ACTR3C: variants seen among roughly 807,000 people sequenced by gnomAD.
ACTR3C encodes the protein actin related protein 3C, also known as actin-related protein 3C.
A neutral mutation model predicts 26.3 loss-of-function variants in ACTR3C; 18 were observed. That is an observed-to-expected ratio of 0.68 (90% confidence interval 0.47 to 1.01). ACTR3C has a LOEUF of 1.01. Ranked by LOEUF, ACTR3C falls within the 50% of genes least tolerant of loss-of-function variation. The probability of loss-of-function intolerance (pLI) is 0.00; values close to 1 mark genes in which losing one functional copy is unlikely to be tolerated. For missense variants in ACTR3C, 184 were observed against 250.7 expected (o/e 0.73, Z 1.80); for synonymous variants, 55 against 94.5 (o/e 0.58, Z 2.42).
In ACTR3C at chr7:150,274,677, A is replaced by T. The variant is rs1454757115; in HGVS notation, c.564+10076T>A. Among the ~76,000 whole-genome samples the T allele has an allele frequency of 1.3e-5, 2 of 152,234 alleles. No individual in the cohort carries two copies. The highest frequency in any genetic ancestry group is 2.9e-5 in the Non-Finnish European group (2 of 68,034). The stretch of plus-strand genomic sequence containing the variant: ...CAGGGGCTGGGGAATGAGTGCAGTC[A>T]CGATGCTAGGAAGCGGCTCAGCCCA... On this transcript the variant is annotated intron_variant, in intron 6 of 7. Transcript: ENST00000683684. The surrounding 1 kb of genome is among the most constrained non-coding windows in gnomAD (Gnocchi z 4.1).
chr7:150,016,604 A>G, the ACTR3C span, among the ~76,000 whole-genome samples: 1 of 152,148 alleles, frequency 6.6e-6, no homozygotes, highest in African/African-American at 2.4e-5. Context: ...GACATGCAGG[A>G]AATGGGAAAA....
At chr7:150,295,714 C>G (rs1246203408) in intron 1 of ACTR3C, among the ~76,000 whole-genome samples, 2 of 150,100 alleles carry the variant, frequency 1.3e-5, no homozygotes, top group East Asian at 3.9e-4. Flanking sequence ...ACATCAAAGG[C>G]GAACCGGTGA....
chr7:150,031,732 G>C, the ACTR3C span, among the ~76,000 whole-genome samples: 451 of 152,168 alleles, frequency 3.0e-3, no homozygotes, highest in Middle Eastern at 6.8e-3. Context: ...TCTCGGGGGT[G>C]GGGGTACTAG....
At chr7:149,988,638 GAT>G in the ACTR3C span, among the ~76,000 whole-genome samples, 2 of 152,160 alleles carry the variant, frequency 1.3e-5, no homozygotes, top group Non-Finnish European at 2.9e-5. Flanking sequence ...CCAGAGGTGG[GAT>G]ACTTGCTCAC....
At chr7:150,314,264 C>A (rs1326953049) in intron 1 of ACTR3C, among the ~76,000 whole-genome samples, 1 of 152,196 alleles carries the variant, frequency 6.6e-6, no homozygotes, top group Non-Finnish European at 1.5e-5. Flanking sequence ...CAGCCTTGTT[C>A]CTGGATTTAA....
chr7:150,047,755 C>G, the ACTR3C span: 3 of 1,494,664 alleles, frequency 2.0e-6, no homozygotes, highest in South Asian at 1.2e-5. Context: ...CCGTCCTCCT[C>G]GGGCCCCTGG....
chr7:150,211,532 C>T, the ACTR3C span, among the ~76,000 whole-genome samples: 3 of 151,266 alleles, frequency 2.0e-5, no homozygotes, highest in South Asian at 4.2e-4. Context: ...CCACCTACCT[C>T]GGCCTCCCAA....
At chr7:150,235,494 G>A in the ACTR3C span, among the ~76,000 whole-genome samples, 5 of 152,086 alleles carry the variant, frequency 3.3e-5, no homozygotes, top group South Asian at 2.1e-4. Context: ...TGAAACAAAC[G>A]CAGACCACCC....
chr7:149,957,118 A>C, the ACTR3C span, among the ~76,000 whole-genome samples: 1 of 152,228 alleles, frequency 6.6e-6, no homozygotes, highest in African/African-American at 2.4e-5. Context: ...GCATGGAATC[A>C]TGGGCATGAA....
At chr7:150,036,009 C>CT in the ACTR3C span, among the ~76,000 whole-genome samples, 6 of 124,254 alleles carry the variant, frequency 4.8e-5, no homozygotes, top group South Asian at 4.6e-4. Flanking sequence ...TGCCTCCGCC[C>CT]CCAGCGATGG....
the ACTR3C span, among the ~76,000 whole-genome samples, chr7:150,035,023 G>C: frequency 6.9e-6 from 1 of 144,064 alleles, no homozygotes. Flanking sequence ...AGCCAGGGGG[G>C]GAAGAGGGAC....
downstream of ACTR3C, among the ~76,000 whole-genome samples, chr7:150,239,507 G>GCTCTCTCTCT (rs1187583060): frequency 2.1e-4 from 22 of 102,960 alleles, no homozygotes; most frequent in Admixed American, 1.7e-3. Flanking sequence ...AAAGTTGCTC[G>GCTCTCTCTCT]CTCTCTCTCT....
downstream of ACTR3C, chr7:150,245,320 G>A (rs1832408126): frequency 6.6e-6 from 1 of 152,186 alleles, no homozygotes; most frequent in African/African-American, 2.4e-5. Context: ...GCAAATCATT[G>A]CTGAAATATC....
chr7:149,996,687 A>G, the ACTR3C span, among the ~76,000 whole-genome samples: 1 of 150,884 alleles, frequency 6.6e-6, no homozygotes, highest in Non-Finnish European at 1.5e-5. Context: ...CCAGATTCAT[A>G]CATTTATTTC....
At chr7:150,087,182 T>TAAAAAAAAAAAAAAAAAAAAAAAAAA in the ACTR3C span, among the ~76,000 whole-genome samples, 1 of 129,408 alleles carries the variant, frequency 7.7e-6, no homozygotes, top group African/African-American at 3.0e-5. Flanking sequence ...TGAATTTGTT[T>TAAAAAAAAAAAAAAAAAAAAAAAAAA]AAAAAAAAAA....
the ACTR3C span, among the ~76,000 whole-genome samples, chr7:150,139,169 C>T: frequency 1.2e-4 from 18 of 152,376 alleles, no homozygotes; most frequent in African/African-American, 4.1e-4. Context: ...AATTGTCTTC[C>T]ATGAAACCAG....
the ACTR3C span, among the ~76,000 whole-genome samples, chr7:149,912,586 T>C: frequency 6.6e-6 from 1 of 150,870 alleles, no homozygotes; most frequent in Non-Finnish European, 1.5e-5. Flanking sequence ...CACTGCAACC[T>C]CCGCCTTTCT....
At chr7:150,119,888 C>CA in the ACTR3C span, among the ~76,000 whole-genome samples, 27 of 152,368 alleles carry the variant, frequency 1.8e-4, 2 homozygotes, top group South Asian at 3.9e-3. Flanking sequence ...AACAGTCTCT[C>CA]AGACCATGGC....
the ACTR3C span, among the ~76,000 whole-genome samples, chr7:149,903,891 T>TG: frequency 3.8e-5 from 1 of 26,002 alleles, no homozygotes; most frequent in Non-Finnish European, 1.6e-4. Context: ...GTTGTTGTTG[T>TG]TTGTTGTTGC....
Sources: gnomAD v4.1 joint callset for allele counts (sites outside exome capture counted in the v4.1 genomes callset) on GRCh38, gnomAD v4.1.1 for gene constraint, Gnocchi (gnomAD v3.1) non-coding constraint, MANE v1.5 for transcripts, NCBI Gene and HGNC (gene_info 2026-07-23, HGNC 2026-07-21) for gene names.